HOOK2: variants seen among roughly 807,000 people sequenced by gnomAD.
HOOK2 encodes hook microtubule tethering protein 2.
In HOOK2, 108 loss-of-function variants were observed where a neutral mutation model predicts 111.9. The ratio of observed to expected loss-of-function variants is 0.96; its 90% confidence interval spans 0.83 to 1.13. The LOEUF (loss-of-function observed/expected upper bound fraction) is 1.13. HOOK2 is among the 50% of genes most tolerant of loss of function. The pLI is 0.00. For synonymous variants in HOOK2, 405 were observed against 394.3 expected, an observed-to-expected ratio of 1.03 and a Z score of -0.32; for missense variants, 978 against 951.3, an observed-to-expected ratio of 1.03 and a Z score of -0.37.
chr19:12,770,046 C>T lies in HOOK2; in HGVS notation c.939G>A (p.Thr313=). The T allele has an allele frequency of 1.3e-6, 2 of 1,538,104 alleles. No individual in the cohort carries two copies. Among genetic ancestry groups the T allele is most frequent in the Non-Finnish European group, 8.7e-7 (1 of 1,145,510 alleles). ...SSERAGQLEA[T]LTSCRRRLGE... is the part of the protein sequence containing the mutation. ...CCAAGCGGCGCCGGCAACTGGTCAGCGTGGCCTCCAGCTGCCCAGCACGCT... is the reference window on the plus strand; with the variant it reads ...CCAAGCGGCGCCGGCAACTGGTCAGTGTGGCCTCCAGCTGCCCAGCACGCT... Residue 313 remains threonine (T), a synonymous_variant, in exon 11 of 23, where the codon ACG becomes ACA. Transcript: ENST00000397668.
chr19:12,771,466 G>A lies in HOOK2; in HGVS notation c.531C>T (p.Tyr177=). The A allele has an allele frequency of 6.2e-7, 1 of 1,612,402 alleles. No homozygotes were observed. Among genetic ancestry groups the A allele is most frequent in the African/African-American group, 1.3e-5 (1 of 75,032 alleles). Residue 177 remains tyrosine, a synonymous_variant, in exon 8 of 23, where the codon TAC becomes TAT. Coordinates refer to ENST00000397668, the MANE Select transcript of HOOK2 (RefSeq NM_013312.3). ...YGNFDSQSRR[Y]YFLSEEAEEG... Reference sequence around the variant, plus strand: ...CCTCAGCCTCCTCACTTAGGAAATAGTACCTGCGGGACTGCAGAGATGAGG... The same window carrying A: ...CCTCAGCCTCCTCACTTAGGAAATAATACCTGCGGGACTGCAGAGATGAGG...
At position 12,763,148 on chromosome 19, in the gene HOOK2, A is replaced by T; in HGVS notation, c.*134T>A. On this transcript the variant is annotated 3_prime_UTR_variant, in exon 23 of 23. Coordinates refer to ENST00000397668, the MANE Select transcript of HOOK2 (RefSeq NM_013312.3). ...TACCTCCCGCCCTCCCTCCCCACCA[A>T]TCTGGGAGAGGGAAGAGCAGAGATC... The T allele has an allele frequency of 1.2e-6, 1 of 829,924 alleles. No individual in the cohort carries two copies. Among genetic ancestry groups the T allele is most frequent in the Non-Finnish European group, 1.9e-6 (1 of 532,230 alleles). 51.4% of individuals were successfully genotyped at this position (829,924 alleles called of 1,614,324 possible).
upstream of HOOK2, among the ~76,000 whole-genome samples, chr19:12,783,073 G>A (rs1180824821): frequency 2.0e-5 from 3 of 152,096 alleles, no homozygotes; most frequent in East Asian, 5.8e-4. Flanking sequence ...AGGCCAGCCC[G>A]GGGGTCCCCT....
chr19:12,774,563 G>T, intron 3 of HOOK2, 106 bp downstream of exon 3: 1 of 1,042,298 alleles, frequency 9.6e-7, no homozygotes, highest in Non-Finnish European at 1.5e-6. Context: ...TTGATCACCA[G>T]ACATCTGTCC....
Position 12,786,460 on chromosome 19 carries a change from C to T in HOOK2, n.42-12235G>A, listed in dbSNP as rs1205265235. Among the ~76,000 whole-genome samples the T allele has an allele frequency of 6.6e-6, 1 of 152,108 alleles. No individual in the cohort carries two copies. The highest frequency in any genetic ancestry group is 6.5e-5 in the Admixed American group (1 of 15,282). Reference sequence around the variant, plus strand: ...GTGGGTGGGGGTGGGTGAACTTCCTCCTTATCCTGTGCCCTAGGCCCCAGG... The same window carrying T: ...GTGGGTGGGGGTGGGTGAACTTCCTTCTTATCCTGTGCCCTAGGCCCCAGG... On this transcript the variant is annotated intron_variant and non_coding_transcript_variant, in intron 3 of 3. Coordinates refer to the HOOK2 transcript ENST00000589765. This position sits in a 1 kb window ranked among gnomAD's most constrained non-coding sequence, Gnocchi z 4.3.
At chr19:12,787,434 C>T (rs184416984) in intron 3 of HOOK2, among the ~76,000 whole-genome samples, 7 of 151,862 alleles carry the variant, frequency 4.6e-5, no homozygotes, top group African/African-American at 1.5e-4. Flanking sequence ...AGTTCGAGAC[C>T]GGCTTGGCCA....
Position 12,767,767 on chromosome 19 carries a change from A to G in HOOK2, c.1303+49T>C, listed in dbSNP as rs1246952941. ...CACTGGGACACAACCTGTTCTACCC[A>G]AACAGTACACCAGGACAGGTAAGAC... On this transcript the variant is annotated intron_variant, in intron 13 of 22. Coordinates refer to ENST00000397668, the MANE Select transcript of HOOK2 (RefSeq NM_013312.3). 3.9e-6 allele frequency: 6 copies of G among 1,538,792 alleles called. No homozygotes were observed. In the South Asian group the frequency reaches 6.8e-5, roughly 18 times the overall value.
intron 3 of HOOK2, 153 bp from the exon 4 acceptor site, chr19:12,773,197 T>C (rs1426792828): frequency 1.6e-6 from 1 of 630,828 alleles, no homozygotes; most frequent in Non-Finnish European, 2.8e-6. Context: ...TGTCTGGCTG[T>C]CTGCCCCTTT....
upstream of HOOK2, among the ~76,000 whole-genome samples, chr19:12,781,055 C>A (rs1459645361): frequency 6.8e-6 from 1 of 147,400 alleles, no homozygotes. Flanking sequence ...GTAATCCCAG[C>A]ACTTTGGGAG....
intron 10 of HOOK2, 37 bp from the exon 11 acceptor site, chr19:12,770,119 T>C: frequency 6.9e-7 from 1 of 1,449,920 alleles, no homozygotes; most frequent in South Asian, 1.3e-5. Flanking sequence ...GGCTGAGAGC[T>C]CTGATCAGGG....
intron 10 of HOOK2, among the ~76,000 whole-genome samples, chr19:12,770,493 C>A (rs1027096578): frequency 6.6e-5 from 10 of 151,726 alleles, no homozygotes; most frequent in African/African-American, 2.4e-4. Flanking sequence ...CTATAGGGGC[C>A]CAGTGGAGCC....
At chr19:12,763,505 T>G (rs1409468750) in intron 22 of HOOK2, 23 bp downstream of exon 22, 1 of 1,614,132 alleles carries the variant, frequency 6.2e-7, no homozygotes, top group Admixed American at 1.7e-5. Context: ...CATGAGATCT[T>G]AGAGCCCAGA....
Position 12,772,176 on chromosome 19 carries a change from C to T in HOOK2, c.519+14G>A. 6.3e-7 allele frequency: 1 copy of T among 1,599,314 alleles called. No homozygotes were observed. Among genetic ancestry groups the T allele is most frequent in the South Asian group, 1.1e-5 (1 of 90,744 alleles). On this transcript the variant is annotated intron_variant, in intron 7 of 22. Coordinates refer to ENST00000397668, the MANE Select transcript of HOOK2 (RefSeq NM_013312.3). Reference sequence around the variant, plus strand: ...ATCCCTGTGCCTGGAACACCTTTCCCCCAAATCTCTTACCTGGCTGTCAAA... The same window carrying T: ...ATCCCTGTGCCTGGAACACCTTTCCTCCAAATCTCTTACCTGGCTGTCAAA...
chr19:12,768,221 A>AT (rs560999648), intron 11 of HOOK2, 98 bp from the exon 12 acceptor site: 6 of 994,856 alleles, frequency 6.0e-6, no homozygotes, highest in South Asian at 4.5e-5. Context: ...TTGACTTATT[A>AT]TTTTTTTGAC....
upstream of HOOK2, among the ~76,000 whole-genome samples, chr19:12,781,530 G>A (rs1169230077): frequency 6.6e-6 from 1 of 151,752 alleles, no homozygotes; most frequent in Non-Finnish European, 1.5e-5. Context: ...GTTTCAGTGT[G>A]TTAGCCAGGA....
chr19:12,769,823 C>T (rs1186682457), intron 11 of HOOK2, 58 bp downstream of exon 11: 5 of 1,330,788 alleles, frequency 3.8e-6, no homozygotes, highest in East Asian at 3.1e-5. Flanking sequence ...GGCTGGCCAA[C>T]GGTGAGAGAC....
chr19:12,765,176 G>T, intron 18 of HOOK2, 95 bp from the exon 19 acceptor site: 2 of 1,209,788 alleles, frequency 1.7e-6, no homozygotes, highest in Non-Finnish European at 2.4e-6. Flanking sequence ...AGCCAGAAAT[G>T]CCCCTACATG....
chr19:12,767,444 A>G lies in HOOK2; in HGVS notation c.1324T>C (p.Ser442Pro). 6.2e-7 allele frequency: 1 copy of G among 1,614,038 alleles called. No homozygotes were observed. The highest frequency in any genetic ancestry group is 8.5e-7 in the Non-Finnish European group (1 of 1,179,952). ...TQADPSLDPT[S>P]TPVDNLAAEI... ...GCGGCTAAGTTATCCACGGGTGTGG[A>G]GGTGGGATCCAGTGAGGGATCTGAA... The change falls in exon 14 of 23, where the codon TCC becomes CCC. Residue 442 changes from serine (S) to proline (P), a missense_variant. This residue lies in a region of HOOK2 where 388 missense variants were observed against 358.3 expected (regional missense o/e 1.08). Transcript: ENST00000397668.
At chr19:12,782,171 G>C (rs1272945519), upstream of HOOK2, among the ~76,000 whole-genome samples, 1 of 152,138 alleles carries the variant, frequency 6.6e-6, no homozygotes, top group Non-Finnish European at 1.5e-5. Context: ...TGCTGGATGG[G>C]GTTGCTTTAT....
Sources: gnomAD v4.1 joint callset for allele counts (sites outside exome capture counted in the v4.1 genomes callset) on GRCh38, gnomAD v4.1.1 for gene constraint, gnomAD v4.1.1 regional missense constraint, Gnocchi (gnomAD v3.1) non-coding constraint, MANE v1.5 for transcripts, NCBI Gene and HGNC (gene_info 2026-07-23, HGNC 2026-07-21) for gene names.